The following PRPF39 variants were observed in gnomAD, a reference collection of about 807,000 sequenced individuals.
PRPF39 encodes pre-mRNA processing factor 39.
A neutral mutation model predicts 82.1 loss-of-function variants in PRPF39; 27 were observed. That is an observed-to-expected ratio of 0.33 (90% CI 0.24 to 0.45). The LOEUF (loss-of-function observed/expected upper bound fraction) is 0.45, where lower values mean the gene tolerates loss of function less well. Among genes scored for constraint, PRPF39 ranks in the 20% least tolerant of loss-of-function variants. PRPF39 has a pLI of 1.00. For missense variants in PRPF39, 581 were observed against 796.9 expected (o/e 0.73, Z 3.26); for synonymous variants, 261 against 256.4 (o/e 1.02, Z -0.17).
intron 1 of PRPF39, among the ~76,000 whole-genome samples, chr14:45,093,812 C>A (rs1344851881): frequency 6.6e-6 from 1 of 152,196 alleles, no homozygotes; most frequent in East Asian, 1.9e-4. Context: ...GCCTCAGCCT[C>A]CCAAAGTGCT....
At chr14:45,109,536 T>C in intron 7 of PRPF39, 80 bp from the exon 8 acceptor site, 1 of 1,078,664 alleles carries the variant, frequency 9.3e-7, no homozygotes, top group Non-Finnish European at 1.2e-6. Context: ...ATATTTAAAA[T>C]TATTTGTATT....
At chr14:45,099,825 A>G (rs185171685) in intron 4 of PRPF39, among the ~76,000 whole-genome samples, 2 of 152,150 alleles carry the variant, frequency 1.3e-5, no homozygotes, top group African/African-American at 2.4e-5. Flanking sequence ...TCATGGCTGC[A>G]TATCTTTTTG....
chr14:45,088,283 A>C (rs1158265503), intron 1 of PRPF39: 1 of 168,504 alleles, frequency 5.9e-6, no homozygotes, highest in Non-Finnish European at 1.3e-5. Flanking sequence ...TGGATTAATT[A>C]TGAAAACAAC....
chr14:45,103,490 A>G (rs533248770), intron 5 of PRPF39, among the ~76,000 whole-genome samples: 3 of 152,200 alleles, frequency 2.0e-5, no homozygotes, highest in African/African-American at 4.8e-5. Flanking sequence ...GTATAAACTT[A>G]GGTACTTTTT....
chr14:45,116,217 T>G lies in PRPF39; in HGVS notation c.*1304T>G. The G allele has an allele frequency of 6.2e-7, 1 of 1,612,698 alleles. No individual in the cohort carries two copies. Among genetic ancestry groups the G allele is most frequent in the East Asian group, 2.2e-5 (1 of 44,806 alleles). The stretch of plus-strand genomic sequence containing the variant: ...GCTATTTCAATCAATATCCACTAAT[T>G]CCACTTCAAAAGTGAGTTTTGCATT... On this transcript the variant is annotated 3_prime_UTR_variant, in exon 14 of 14. Coordinates refer to ENST00000355765, the MANE Select transcript of PRPF39 (RefSeq NM_017922.4).
Position 45,115,882 on chromosome 14 carries a change from C to CAATTAACA in PRPF39, c.*969_*970insAATTAACA, listed in dbSNP as rs1408007174. On this transcript the variant is annotated 3_prime_UTR_variant, in exon 14 of 14. Coordinates refer to ENST00000355765, the MANE Select transcript of PRPF39 (RefSeq NM_017922.4). ...TAATCAGAACAATAATATATTAACA[C>CAATTAACA]CAAACAAATCACAGTCAGATCAAGA... The CAATTAACA allele has an allele frequency of 8.1e-6, 2 of 245,908 alleles. No homozygotes were observed. Among genetic ancestry groups the CAATTAACA allele is most frequent in the Admixed American group, 9.2e-5 (2 of 21,660 alleles). The allele number at this position is 245,908 out of a possible 1,614,324, so 15.2% of individuals were successfully genotyped here. A position where few individuals can be genotyped will look rare whatever the true frequency, so the allele number is the denominator to read the frequency against.
intron 4 of PRPF39, among the ~76,000 whole-genome samples, chr14:45,101,434 G>C (rs1163061003): frequency 6.6e-6 from 1 of 151,916 alleles, no homozygotes; most frequent in East Asian, 1.9e-4. Flanking sequence ...GACATGACTA[G>C]GTATTTTAAA....
At position 45,090,312 on chromosome 14, in the gene PRPF39, G is replaced by A. The variant is rs111985189; in HGVS notation, c.-19-4909G>A. 3.1e-3 allele frequency among the ~76,000 whole-genome samples: 477 copies of A among 152,310 alleles called. 5 individuals are homozygous for A. The highest frequency in any genetic ancestry group is 0.011 in the African/African-American group (458 of 41,556). On this transcript the variant is annotated intron_variant, in intron 1 of 13. Transcript: ENST00000355765. ...ACATTAATCATACATTGAACTAGAA[G>A]GGAACTTATTTTTTCTGGTAGTCTA...
intron 1 of PRPF39, among the ~76,000 whole-genome samples, chr14:45,090,337 A>G (rs745372407): frequency 2.0e-5 from 3 of 152,204 alleles, no homozygotes; most frequent in Non-Finnish European, 2.9e-5. Flanking sequence ...CTGGTAGTCT[A>G]CTACTTTGGA....
At chr14:45,112,088 T>A (rs1884714674) in intron 10 of PRPF39, among the ~76,000 whole-genome samples, 1 of 152,190 alleles carries the variant, frequency 6.6e-6, no homozygotes, top group South Asian at 2.1e-4. Context: ...ATTGAACAAT[T>A]TGCATTGTTT....
At chr14:45,090,651 A>G (rs980900808) in intron 1 of PRPF39, among the ~76,000 whole-genome samples, 1 of 150,848 alleles carries the variant, frequency 6.6e-6, no homozygotes, top group Non-Finnish European at 1.5e-5. Flanking sequence ...ATAGATTGCT[A>G]TTGTTTTCAA....
At position 45,110,510 on chromosome 14, in the gene PRPF39, G is replaced by C; in HGVS notation, c.1304-39G>C. 6.5e-7 allele frequency: 1 copy of C among 1,530,074 alleles called. No homozygotes were observed. The highest frequency in any genetic ancestry group is 8.8e-7 in the Non-Finnish European group (1 of 1,131,810). The allele number at this position is 1,530,074 out of a possible 1,614,324, so 94.8% of individuals were successfully genotyped here. ...TCTGGTTATAAACGTTATTTTGGTT[G>C]TTTAAACCAAAGCATAAACATTTAA... is the stretch of plus-strand genomic sequence containing the variant. On this transcript the variant is annotated intron_variant, in intron 9 of 13. Transcript: ENST00000355765. This position sits in a 1 kb window ranked among gnomAD's most constrained non-coding sequence, Gnocchi z 4.0.
chr14:45,095,308 A>G lies in PRPF39; in HGVS notation c.69A>G (p.Val23=). The part of the protein sequence containing the change: ...SNGSTGNSSE[V]VVEHPTDFST... ...GCAGCACAGGCAACAGTTCAGAGGT[A>G]GTGGTAGAACATCCTACTGATTTCA... The change falls in exon 2 of 14, where the codon GTA becomes GTG. Residue 23 remains valine, a synonymous_variant. Transcript: ENST00000355765. 1 of 1,613,300 alleles carries G rather than the reference A, an allele frequency of 6.2e-7. No individual in the cohort carries two copies. The highest frequency in any genetic ancestry group is 8.5e-7 in the Non-Finnish European group (1 of 1,179,222).
At position 45,103,572 on chromosome 14, in the gene PRPF39, C is replaced by T. The variant is rs189895407; in HGVS notation, c.737+876C>T. 1.2e-3 allele frequency among the ~76,000 whole-genome samples: 185 copies of T among 151,668 alleles called. 1 individual carries two copies. The highest frequency in any genetic ancestry group is 4.1e-3 in the African/African-American group (168 of 41,372). On this transcript the variant is annotated intron_variant, in intron 5 of 13. Coordinates refer to ENST00000355765, the MANE Select transcript of PRPF39 (RefSeq NM_017922.4). ...ACTTTTATGAAGCATTTGTAAAGTA[C>T]TAAGGATCAATGTGCTAAAGGTAGA...
At chr14:45,104,103 C>T (rs1271485308) in intron 5 of PRPF39, among the ~76,000 whole-genome samples, 2 of 152,126 alleles carry the variant, frequency 1.3e-5, no homozygotes, top group Non-Finnish European at 2.9e-5. Context: ...CTACTTGGAA[C>T]TTAGACAGTA....
chr14:45,107,608 C>T lies in PRPF39; in HGVS notation c.895C>T (p.Pro299Ser). Reference protein sequence around the residue: ...LPSGIEDITDPAKLITEIENM... With the variant: ...LPSGIEDITDSAKLITEIENM... ...ATCGGGAATTGAAGACATAACCGAT[C>T]CTGCAAAGGTAACCAGTCTTATTCT... Residue 299 changes from proline (P) to serine (S), a missense_variant, in exon 6 of 14, where the codon CCT (proline) becomes TCT (serine). Transcript: ENST00000355765. The T allele has an allele frequency of 6.4e-7, 1 of 1,551,694 alleles. No individual in the cohort carries two copies. Among genetic ancestry groups the T allele is most frequent in the Non-Finnish European group, 8.7e-7 (1 of 1,146,728 alleles).
At chr14:45,112,175 G>A in intron 10 of PRPF39, 143 bp from the exon 11 acceptor site, 1 of 758,362 alleles carries the variant, frequency 1.3e-6, no homozygotes, top group Middle Eastern at 3.9e-4. Flanking sequence ...TTAGATATAT[G>A]CTGAAAACAT....
intron 11 of PRPF39, among the ~76,000 whole-genome samples, chr14:45,113,377 G>A (rs1436592015): frequency 6.6e-6 from 1 of 152,208 alleles, no homozygotes; most frequent in African/African-American, 2.4e-5. Context: ...TAGAATGAGG[G>A]TGTAGGGTTC....
chr14:45,097,626 GTTTGT>G lies in PRPF39; in HGVS notation c.569+625_569+629del, dbSNP rs538064240. Among the ~76,000 whole-genome samples the G allele has an allele frequency of 1.2e-3, 183 of 152,168 alleles. 1 individual carries two copies. Among genetic ancestry groups the G allele is most frequent in the African/African-American group, 4.2e-3 (176 of 41,544 alleles). ...TTCCCACAGCTGTGCCACATTTTTT[GTTTGT>G]TTTACCTCCAGTGGCATCTCTTTTA... On this transcript the variant is annotated intron_variant, in intron 4 of 13. Coordinates refer to ENST00000355765, the MANE Select transcript of PRPF39 (RefSeq NM_017922.4).
Sources: allele counts gnomAD v4.1 joint callset (sites outside exome capture counted in the v4.1 genomes callset), GRCh38; gene constraint gnomAD v4.1.1; non-coding constraint Gnocchi (gnomAD v3.1); transcripts MANE v1.5; gene names NCBI Gene and HGNC (gene_info 2026-07-23, HGNC 2026-07-21).